The following CCDC91 variants were observed in gnomAD, a reference collection of about 807,000 sequenced individuals.
CCDC91 encodes coiled-coil domain containing 91, also known as coiled-coil domain-containing protein 91.
In CCDC91, 48 loss-of-function variants were observed where a neutral mutation model predicts 63.2. The ratio of observed to expected loss-of-function variants is 0.76; its 90% CI spans 0.60 to 0.97. The LOEUF is 0.97. CCDC91 is among the 50% of genes least tolerant of loss of function. The probability of loss-of-function intolerance (pLI) is 0.00; values close to 1 mark genes in which losing one functional copy is unlikely to be tolerated. For missense variants in CCDC91, 500 were observed against 494.6 expected (o/e 1.01, Z -0.10); for synonymous variants, 167 against 165.8 (o/e 1.01, Z -0.06).
At chr12:28,368,197 G>T (rs778136929) in intron 7 of CCDC91, among the ~76,000 whole-genome samples, 5 of 152,164 alleles carry the variant, frequency 3.3e-5, no homozygotes, top group Non-Finnish European at 5.9e-5. Flanking sequence ...CAGAATAACA[G>T]AAATATGATA....
intron 12 of CCDC91, among the ~76,000 whole-genome samples, chr12:28,536,769 T>C (rs113362010): frequency 0.029 from 4,366 of 152,294 alleles, 189 homozygotes; most frequent in African/African-American, 0.095. Context: ...AAATGATGAT[T>C]TTGATCAGAA....
At position 28,489,428 on chromosome 12, in the gene CCDC91, C is replaced by T. The variant is rs532199291; in HGVS notation, c.1215+5263C>T. On this transcript the variant is annotated intron_variant, in intron 12 of 12. Transcript: ENST00000536442. ...ATGACCGACAGCCCTTGGATTAGAACGAAGAGTTCCAACCCATCCCACAAG... is the reference window on the plus strand; with the variant it reads ...ATGACCGACAGCCCTTGGATTAGAATGAAGAGTTCCAACCCATCCCACAAG... Among the ~76,000 whole-genome samples the T allele has an allele frequency of 4.6e-5, 7 of 151,928 alleles. No homozygotes were observed. In the South Asian group the frequency reaches 6.2e-4, roughly 14 times the overall value.
intron 1 of CCDC91, among the ~76,000 whole-genome samples, chr12:28,223,643 T>G (rs1197754505): frequency 7.9e-5 from 12 of 152,208 alleles, no homozygotes; most frequent in Non-Finnish European, 1.8e-4. Flanking sequence ...AGGCTATTAT[T>G]ATGTAATTTG....
chr12:28,359,049 C>T (rs1223664313), intron 6 of CCDC91, among the ~76,000 whole-genome samples: 3 of 152,180 alleles, frequency 2.0e-5, no homozygotes, highest in African/African-American at 7.2e-5. Context: ...GCTTCCACCA[C>T]CACGCCCAGC....
At chr12:28,264,565 A>G (rs10771416) in intron 3 of CCDC91, among the ~76,000 whole-genome samples, 135,536 of 147,834 alleles carry the variant, frequency 0.92, 63,109 homozygotes, top group East Asian at 1. Flanking sequence ...GAATATAGGC[A>G]CATATATATA....
intron 12 of CCDC91, among the ~76,000 whole-genome samples, chr12:28,510,512 T>C (rs1160264905): frequency 1.3e-5 from 2 of 151,930 alleles, no homozygotes; most frequent in East Asian, 3.9e-4. Context: ...TACTCAGTCT[T>C]TTTGTTTTAG....
chr12:28,403,565 A>C lies in CCDC91; in HGVS notation c.762+12154A>C, dbSNP rs556986266. Reference sequence around the variant, plus strand: ...GGTCTCTTTAATAAGGGTACTAATCACCTAACTTTCATGACTTAATACTTC... The same window carrying C: ...GGTCTCTTTAATAAGGGTACTAATCCCCTAACTTTCATGACTTAATACTTC... On this transcript the variant is annotated intron_variant, in intron 8 of 12. Coordinates refer to ENST00000536442, the MANE Select transcript of CCDC91 (RefSeq NM_018318.5). Among the ~76,000 whole-genome samples the C allele has an allele frequency of 2.6e-5, 4 of 152,114 alleles. No homozygotes were observed. The South Asian group carries it at 8.3e-4, about 32-fold the overall frequency.
intron 11 of CCDC91, among the ~76,000 whole-genome samples, chr12:28,464,594 G>A (rs1950463927): frequency 6.6e-6 from 1 of 152,192 alleles, no homozygotes; most frequent in Non-Finnish European, 1.5e-5. Context: ...TCTTAGGCCA[G>A]AAGGGAACCT....
At chr12:28,232,364 T>C (rs1349181478) in intron 1 of CCDC91, among the ~76,000 whole-genome samples, 1 of 152,176 alleles carries the variant, frequency 6.6e-6, no homozygotes, top group Non-Finnish European at 1.5e-5. Flanking sequence ...TTGTCTGAAT[T>C]GCACAGGGTT....
chr12:28,279,988 T>A (rs1163736944), intron 3 of CCDC91, among the ~76,000 whole-genome samples: 1 of 152,134 alleles, frequency 6.6e-6, no homozygotes, highest in Non-Finnish European at 1.5e-5. Context: ...TTTATCTGCC[T>A]CCTTCATTTG....
At chr12:28,261,224 A>G (rs950165488) in intron 3 of CCDC91, among the ~76,000 whole-genome samples, 6 of 151,998 alleles carry the variant, frequency 3.9e-5, no homozygotes, top group African/African-American at 1.4e-4. Context: ...TTAATGTTAG[A>G]CATGTATAAT....
At chr12:28,264,045 T>C (rs1947003832) in intron 3 of CCDC91, among the ~76,000 whole-genome samples, 1 of 151,738 alleles carries the variant, frequency 6.6e-6, no homozygotes, top group South Asian at 2.1e-4. Flanking sequence ...TGCAAACATA[T>C]GACCTGGAAA....
At chr12:28,497,541 CT>C (rs1194466231) in intron 12 of CCDC91, among the ~76,000 whole-genome samples, 1 of 151,494 alleles carries the variant, frequency 6.6e-6, no homozygotes, top group African/African-American at 2.4e-5. Context: ...CCATTTGAAT[CT>C]TTTCCAGATG....
chr12:28,443,396 T>C (rs16932846), intron 8 of CCDC91, among the ~76,000 whole-genome samples: 18,714 of 152,054 alleles, frequency 0.12, 1,585 homozygotes, highest in East Asian at 0.31. Context: ...TAATACTCCA[T>C]TGGCATCTGT....
At chr12:28,212,486 G>A (rs1043379323) in intron 1 of CCDC91, among the ~76,000 whole-genome samples, 4 of 152,172 alleles carry the variant, frequency 2.6e-5, no homozygotes, top group African/African-American at 9.7e-5. Context: ...TGGCCACTGG[G>A]ATTGGCCAAG....
At chr12:28,302,701 TGATGTATTATTAACTGA>T in intron 3 of CCDC91, 1 of 917,260 alleles carries the variant, frequency 1.1e-6, no homozygotes, top group Non-Finnish European at 1.3e-6. Context: ...AATGGTTTTT[TGATGTATTATTAACTGA>T]GATGGAAAAC....
intron 8 of CCDC91, among the ~76,000 whole-genome samples, chr12:28,411,852 A>G (rs2139723828): frequency 6.6e-6 from 1 of 152,316 alleles, no homozygotes; most frequent in Non-Finnish European, 1.5e-5. Context: ...CACCTCAAGA[A>G]AAAGCCTCAG....
At chr12:28,527,588 G>T (rs1490794577) in intron 12 of CCDC91, among the ~76,000 whole-genome samples, 1 of 151,976 alleles carries the variant, frequency 6.6e-6, no homozygotes, top group African/African-American at 2.4e-5. Flanking sequence ...CTGCTGGGAA[G>T]TGGCACTTGC....
intron 3 of CCDC91, among the ~76,000 whole-genome samples, chr12:28,279,381 A>G (rs182510408): frequency 2.6e-5 from 4 of 152,260 alleles, no homozygotes; most frequent in South Asian, 4.1e-4. Context: ...GTATAAGTAT[A>G]TAGACTTTCC....
Sources: gnomAD v4.1 joint callset for allele counts (sites outside exome capture counted in the v4.1 genomes callset) on GRCh38, gnomAD v4.1.1 for gene constraint, MANE v1.5 for transcripts, NCBI Gene and HGNC (gene_info 2026-07-23, HGNC 2026-07-21) for gene names.